FKBP1A: variants seen among roughly 807,000 people sequenced by gnomAD.
FKBP1A encodes peptidyl-prolyl cis-trans isomerase FKBP1A.
FKBP1A carries 5 observed loss-of-function variants against 14.2 expected under a neutral mutation model. That is an observed-to-expected ratio of 0.35 (90% CI 0.18 to 0.74). FKBP1A has a LOEUF of 0.74. Ranked by LOEUF, FKBP1A falls within the 30% of genes least tolerant of loss-of-function variation. The pLI is 0.56. For synonymous variants in FKBP1A, 42 were observed against 49.1 expected (o/e 0.86, Z 0.60); for missense variants, 53 against 138.8 (o/e 0.38, Z 3.10).
In FKBP1A at chr20:1,379,699, G is replaced by A. The variant is rs147530947; in HGVS notation, c.86-4096C>T. On this transcript the variant is annotated intron_variant, in intron 2 of 4. Coordinates refer to ENST00000400137, the MANE Select transcript of FKBP1A (RefSeq NM_000801.5). The surrounding 1 kb of genome is among the most constrained non-coding windows in gnomAD (Gnocchi z 4.3). ...AATCTTCGCAGGGCAGGGTTGGGTG[G>A]TGGCAGTGATGTTGGGGTTCCTTGA... Among the ~76,000 whole-genome samples the A allele has an allele frequency of 5.7e-3, 873 of 152,288 alleles. 3 individuals are homozygous for A. The highest frequency in any genetic ancestry group is 0.01 in the Non-Finnish European group (703 of 68,020).
At chr20:1,371,607 A>G in intron 4 of FKBP1A, 4 of 632,116 alleles carry the variant, frequency 6.3e-6, no homozygotes, top group Non-Finnish European at 7.9e-6. Flanking sequence ...ATAGGCAGTA[A>G]CCACAAACCA....
chr20:1,370,093 G>A (rs2089443024), intron 4 of FKBP1A, 21 bp from the exon 5 acceptor site: 1 of 1,545,788 alleles, frequency 6.5e-7, no homozygotes. Flanking sequence ...CAGAAAATCT[G>A]TGAGTTTCCA....
intron 3 of FKBP1A, chr20:1,375,237 A>C (rs1454872014): frequency 1.7e-6 from 1 of 572,404 alleles, no homozygotes; most frequent in East Asian, 2.9e-5. Context: ...TCAAAAATGC[A>C]TTAAGTGAAA....
intron 2 of FKBP1A, among the ~76,000 whole-genome samples, chr20:1,388,247 T>G (rs973440979): frequency 1.4e-4 from 21 of 152,168 alleles, no homozygotes; most frequent in African/African-American, 4.8e-4. Flanking sequence ...GGGAACAAGT[T>G]AAACAATACC....
At chr20:1,380,474 C>CG (rs1450281672) in intron 2 of FKBP1A, among the ~76,000 whole-genome samples, 3 of 152,114 alleles carry the variant, frequency 2.0e-5, no homozygotes, top group African/African-American at 4.8e-5. Context: ...TACTACCCCC[C>CG]GGTCAAACTG....
Position 1,386,162 on chromosome 20 carries a change from C to T in FKBP1A, c.85+6672G>A, listed in dbSNP as rs1448155210. Among the ~76,000 whole-genome samples, 6 of 152,248 alleles carry T rather than the reference C, an allele frequency of 3.9e-5. No individual in the cohort carries two copies. The East Asian group carries it at 9.7e-4, about 25-fold the overall frequency. On this transcript the variant is annotated intron_variant, in intron 2 of 4. Coordinates refer to ENST00000400137, the MANE Select transcript of FKBP1A (RefSeq NM_000801.5). This position sits in a 1 kb window ranked among gnomAD's most constrained non-coding sequence, Gnocchi z 4.7. ...TTTCTCCTCCTGGCCTGTGTATATACCTGGAAGACGCTTTCCTCCTGCCTG... is the reference window on the plus strand; with the variant it reads ...TTTCTCCTCCTGGCCTGTGTATATATCTGGAAGACGCTTTCCTCCTGCCTG...
intron 2 of FKBP1A, among the ~76,000 whole-genome samples, chr20:1,382,182 A>G (rs1195496995): frequency 6.6e-6 from 1 of 152,202 alleles, no homozygotes; most frequent in Non-Finnish European, 1.5e-5. Flanking sequence ...CAGCTGCTCC[A>G]ATTTTAACTC....
At chr20:1,392,035 G>A (rs1015552901) in intron 2 of FKBP1A, among the ~76,000 whole-genome samples, 23 of 152,208 alleles carry the variant, frequency 1.5e-4, no homozygotes, top group African/African-American at 4.3e-4. Flanking sequence ...AGGGGGAGGT[G>A]TCTAAAATTT....
At chr20:1,372,434 T>A (rs1046741130) in intron 3 of FKBP1A, among the ~76,000 whole-genome samples, 194 bp from the exon 4 acceptor site, 3 of 152,202 alleles carry the variant, frequency 2.0e-5, no homozygotes, top group Admixed American at 6.5e-5. Context: ...CACCCCTGCA[T>A]CTCACTCCAA....
chr20:1,370,790 C>T, intron 4 of FKBP1A: 1 of 985,194 alleles, frequency 1.0e-6, no homozygotes. Context: ...AAAATAATTC[C>T]AAGGCTCCCT....
chr20:1,373,557 G>A (rs1177663979), intron 3 of FKBP1A, among the ~76,000 whole-genome samples: 1 of 152,204 alleles, frequency 6.6e-6, no homozygotes, highest in Non-Finnish European at 1.5e-5. Context: ...GATATTTTAT[G>A]TAGATCTCAA....
chr20:1,385,874 G>C (rs185331058), intron 2 of FKBP1A, among the ~76,000 whole-genome samples: 32 of 152,298 alleles, frequency 2.1e-4, no homozygotes, highest in African/African-American at 7.2e-4. Flanking sequence ...CCTCCTTCAA[G>C]TCTTTGCTCA....
intron 2 of FKBP1A, 35 bp from the exon 3 acceptor site, chr20:1,375,638 G>A (rs374682991): frequency 2.1e-6 from 3 of 1,434,860 alleles, no homozygotes; most frequent in Non-Finnish European, 2.0e-6. Flanking sequence ...GAGCAGCAGA[G>A]TAATGACACA....
intron 2 of FKBP1A, among the ~76,000 whole-genome samples, chr20:1,385,748 T>C (rs986435919): frequency 2.6e-5 from 4 of 152,212 alleles, no homozygotes; most frequent in African/African-American, 9.7e-5. Context: ...CCCAGAACAT[T>C]GTTTCCTTAT....
intron 2 of FKBP1A, among the ~76,000 whole-genome samples, chr20:1,385,586 A>G (rs921733158): frequency 2.0e-5 from 3 of 151,990 alleles, no homozygotes; most frequent in Admixed American, 1.3e-4. Flanking sequence ...GCCAGACCCT[A>G]CTACCCCTCG....
Position 1,373,460 on chromosome 20 carries a change from G to A in FKBP1A, c.199-1220C>T, listed in dbSNP as rs185426581. Among the ~76,000 whole-genome samples, 475 of 152,292 alleles carry A rather than the reference G, an allele frequency of 3.1e-3. 2 individuals are homozygous for A. Among genetic ancestry groups the A allele is most frequent in the Admixed American group, 6.3e-3 (97 of 15,304 alleles). ...TGTAAAACCAAAACAATATCAAAAG[G>A]AAAGGAAAAGGGTCACAAGTCAATC... On this transcript the variant is annotated intron_variant, in intron 3 of 4. Coordinates refer to ENST00000400137, the MANE Select transcript of FKBP1A (RefSeq NM_000801.5).
At position 1,369,797 on chromosome 20, in the gene FKBP1A, A is replaced by G. The variant is rs573002082; in HGVS notation, c.*312T>C. 4.3e-4 allele frequency: 178 copies of G among 414,830 alleles called. No individual in the cohort carries two copies. The highest frequency in any genetic ancestry group is 7.0e-4 in the Non-Finnish European group (156 of 224,442). The allele number at this position is 414,830 out of a possible 1,614,324, so 25.7% of individuals were successfully genotyped here. A position where few individuals can be genotyped will look rare whatever the true frequency, so the allele number is the denominator to read the frequency against. On this transcript the variant is annotated 3_prime_UTR_variant, in exon 5 of 5. Transcript: ENST00000400137. The stretch of plus-strand genomic sequence containing the variant: ...CTGTTAATACTTGACCATGTACTTA[A>G]TTGGAAACCTATATCCAAAAGACTG...
At chr20:1,374,766 C>T (rs1382846792) in intron 3 of FKBP1A, 2 of 152,338 alleles carry the variant, frequency 1.3e-5, no homozygotes, top group Non-Finnish European at 2.9e-5. Context: ...ATTAATAGGG[C>T]ACTAGCCAAG....
chr20:1,374,836 A>AT (rs2089517704), intron 3 of FKBP1A: 1 of 152,892 alleles, frequency 6.5e-6, no homozygotes, highest in African/African-American at 2.4e-5. Flanking sequence ...CTTACTCCTC[A>AT]TTTTTTCTTT....
Sources: allele counts gnomAD v4.1 joint callset (sites outside exome capture counted in the v4.1 genomes callset), GRCh38; gene constraint gnomAD v4.1.1; non-coding constraint Gnocchi (gnomAD v3.1); transcripts MANE v1.5; gene names NCBI Gene and HGNC (gene_info 2026-07-23, HGNC 2026-07-21).